LRP1: variants seen among roughly 807,000 people sequenced by gnomAD.
LRP1 encodes the protein LDL receptor related protein 1.
Under a neutral mutation model 541.5 loss-of-function variants are expected in LRP1, and 51 were observed. The observed-to-expected ratio is 0.09, with a 90% CI of 0.08 to 0.12. The LOEUF is 0.12. Among genes scored for constraint, LRP1 ranks in the 10% least tolerant of loss-of-function variants. The pLI is 1.00. For synonymous variants in LRP1, 2,219 were observed against 2,470.8 expected (o/e 0.90, Z 3.02); for missense variants, 3,878 against 6,376.2 (o/e 0.61, Z 13.34).
Position 57,204,477 on chromosome 12 carries a change from C to T in LRP1, c.11019C>T (p.Cys3673=), listed in dbSNP as rs762651475. 9 of 1,578,018 alleles carry T rather than the reference C, an allele frequency of 5.7e-6. No individual in the cohort carries two copies. Among genetic ancestry groups the T allele is most frequent in the East Asian group, 4.5e-5 (2 of 44,462 alleles). The change falls in exon 71 of 89, where the codon TGC becomes TGT. Residue 3673 remains cysteine (C), a synonymous_variant. Coordinates refer to ENST00000243077, the MANE Select transcript of LRP1 (RefSeq NM_002332.3). This position sits in a 1 kb window ranked among gnomAD's most constrained non-coding sequence, Gnocchi z 5.3. The part of the protein sequence containing the change: ...NTLCKPLAWK[C]DGEDDCGDNS... ...TGTGCAAGCCGCTGGCCTGGAAGTGCGATGGCGAGGATGACTGTGGGGACA... is the reference window on the plus strand; with the variant it reads ...TGTGCAAGCCGCTGGCCTGGAAGTGTGATGGCGAGGATGACTGTGGGGACA...
chr12:57,137,982 T>TG (rs982385541), intron 1 of LRP1, among the ~76,000 whole-genome samples: 2 of 152,056 alleles, frequency 1.3e-5, no homozygotes, highest in Admixed American at 1.3e-4. Context: ...GATGGGGTGA[T>TG]GGGTCAGGGG....
In LRP1 at chr12:57,145,064, C is replaced by A. The variant is rs911100326; in HGVS notation, c.541C>A (p.Leu181Met). 6.2e-7 allele frequency: 1 copy of A among 1,613,956 alleles called. No individual in the cohort carries two copies. Residue 181 changes from leucine to methionine, a missense_variant, in exon 5 of 89, where the codon CTG (leucine) becomes ATG (methionine). Leu to Met is a conservative substitution (Grantham distance 15). Transcript: ENST00000243077. The part of the protein sequence containing the change: ...FICGCVEGYL[L>M]QPDNRSCKAK... ...ATGTGGCTGTGTTGAAGGATACCTC[C>A]TGCAGCCGGATAACCGCTCCTGCAA... is the stretch of plus-strand genomic sequence containing the variant.
intron 15 of LRP1, among the ~76,000 whole-genome samples, chr12:57,163,968 C>G (rs912039502): frequency 1.3e-5 from 2 of 152,004 alleles, no homozygotes; most frequent in African/African-American, 2.4e-5. Context: ...GTCAGGAGTT[C>G]GAGACCAGCC....
rs149099223 is a variant in LRP1 at position 57,193,990 on chromosome 12, C to T, written c.7896C>T (p.Asp2632=). 53 of 1,614,066 alleles carry T rather than the reference C, an allele frequency of 3.3e-5. No individual in the cohort carries two copies. Among genetic ancestry groups the T allele is most frequent in the African/African-American group, 1.9e-4 (14 of 74,950 alleles). ...GCAACCAGTTTGTGGATTGTGAGGA[C>T]GCCTCAGATGAGATGAACTGCAGTG... The part of the protein sequence containing the change: ...SRCNQFVDCE[D]ASDEMNCSAT... The change falls in exon 48 of 89, where the codon GAC becomes GAT. Residue 2632 remains aspartate, a synonymous_variant. Transcript: ENST00000243077.
chr12:57,197,215 G>C lies in LRP1; in HGVS notation c.9076+50G>C. ...GAGGTGACCCAGGCTGTGTGGGACT[G>C]CCCGGGTGGCAGAGCTCCAGACAGG... On this transcript the variant is annotated intron_variant, in intron 56 of 88. Coordinates refer to ENST00000243077, the MANE Select transcript of LRP1 (RefSeq NM_002332.3). This position sits in a 1 kb window ranked among gnomAD's most constrained non-coding sequence, Gnocchi z 4.5. The C allele has an allele frequency of 6.2e-7, 1 of 1,613,360 alleles. No individual in the cohort carries two copies. The highest frequency in any genetic ancestry group is 8.5e-7 in the Non-Finnish European group (1 of 1,179,398).
At chr12:57,164,823 G>A (rs2035806810) in intron 15 of LRP1, 1 of 152,278 alleles carries the variant, frequency 6.6e-6, no homozygotes, top group Non-Finnish European at 1.5e-5. Context: ...CTAGGAGGGA[G>A]TGGCTGGGGT....
chr12:57,190,144 AG>A (rs1276757669), intron 42 of LRP1, among the ~76,000 whole-genome samples: 3 of 152,158 alleles, frequency 2.0e-5, no homozygotes, highest in Admixed American at 6.5e-5. Context: ...AAACATGCAA[AG>A]GCCTCAAAGT....
chr12:57,136,476 G>A (rs191096694), intron 1 of LRP1, among the ~76,000 whole-genome samples: 3 of 150,022 alleles, frequency 2.0e-5, no homozygotes, highest in East Asian at 3.9e-4. Flanking sequence ...CTTCTCAGGC[G>A]ACTCTGGCTC....
Position 57,177,736 on chromosome 12 carries a change from G to A in LRP1, c.4361+145G>A. 2 of 999,134 alleles carry A rather than the reference G, an allele frequency of 2.0e-6. No homozygotes were observed. The highest frequency in any genetic ancestry group is 2.6e-5 in the East Asian group (1 of 38,276). The allele number at this position is 999,134 out of a possible 1,614,324, so 61.9% of individuals were successfully genotyped here. On this transcript the variant is annotated intron_variant, in intron 26 of 88. Transcript: ENST00000243077. The surrounding 1 kb of genome is among the most constrained non-coding windows in gnomAD (Gnocchi z 6.8). ...CAAAGGACTGGGCACAGGAGGAGGAGGACGGAGGGGCGTGGGGAGGCCAGG... is the reference window on the plus strand; with the variant it reads ...CAAAGGACTGGGCACAGGAGGAGGAAGACGGAGGGGCGTGGGGAGGCCAGG...
chr12:57,153,246 A>G (rs576218547), intron 6 of LRP1, among the ~76,000 whole-genome samples: 3 of 151,858 alleles, frequency 2.0e-5, no homozygotes, highest in Non-Finnish European at 4.4e-5. Context: ...GTGGTCCTGG[A>G]GAGGAGGAGC....
At position 57,181,291 on chromosome 12, in the gene LRP1, G is replaced by T; in HGVS notation, c.5662G>T (p.Gly1888Cys). The change falls in exon 34 of 89, where the codon GGC (glycine) becomes TGC (cysteine). Residue 1888 changes from glycine (G) to cysteine (C), a missense_variant and splice_region_variant. Around this residue, in one of 13 missense-constraint regions of LRP1, gnomAD observed 394 missense variants for 635.9 expected, o/e 0.62. Coordinates refer to ENST00000243077, the MANE Select transcript of LRP1 (RefSeq NM_002332.3). ...CCGGAGTGGCCAGCAGGCCTGCGAGGGTCAGTGCCTGGCTTTCCTCCCAGC... is the reference window on the plus strand; with the variant it reads ...CCGGAGTGGCCAGCAGGCCTGCGAGTGTCAGTGCCTGGCTTTCCTCCCAGC... ...SLRSGQQACEGVGSFLLYSVH... is the reference protein window; with the variant it reads ...SLRSGQQACECVGSFLLYSVH... 1 of 1,610,544 alleles carries T rather than the reference G, an allele frequency of 6.2e-7. No homozygotes were observed.
intron 6 of LRP1, chr12:57,149,290 A>C (rs1208550211): frequency 3.4e-5 from 15 of 438,758 alleles, no homozygotes; most frequent in Non-Finnish European, 3.6e-5. Flanking sequence ...GGCCCCCTGC[A>C]TCCTGGCACT....
At position 57,183,774 on chromosome 12, in the gene LRP1, GA is replaced by G. The variant is rs1223169527; in HGVS notation, c.5798del (p.Asn1933MetfsTer11). ...SLAVGIDFHAENDTIYWVDMG... is the reference protein window; with the variant it reads ...SLAVGIDFHAXNDTIYWVDMG... The stretch of plus-strand genomic sequence containing the variant: ...CCCCATGTCACCTCCTCCACCTCCA[GA>G]AAATGACACCATCTACTGGGTGGAC... On this transcript the variant is annotated frameshift_variant and splice_region_variant, in exon 36 of 89. Transcript: ENST00000243077. LOFTEE classifies it high-confidence loss of function. The surrounding 1 kb of genome is among the most constrained non-coding windows in gnomAD (Gnocchi z 6.1). 6.2e-7 allele frequency: 1 copy of G among 1,613,892 alleles called. No individual in the cohort carries two copies. The highest frequency in any genetic ancestry group is 8.5e-7 in the Non-Finnish European group (1 of 1,180,032).
chr12:57,183,355 G>C lies in LRP1; in HGVS notation c.5663-24G>C. 1.3e-6 allele frequency: 2 copies of C among 1,591,094 alleles called. No homozygotes were observed. The highest frequency in any genetic ancestry group is 1.7e-6 in the Non-Finnish European group (2 of 1,161,764). ...TTAAGGGAGTGTTGGCGATACCCAT[G>C]CCTTAAGTTTCCTTGTCTTTCAGGC... is the stretch of plus-strand genomic sequence containing the variant. On this transcript the variant is annotated intron_variant, in intron 34 of 88. Coordinates refer to ENST00000243077, the MANE Select transcript of LRP1 (RefSeq NM_002332.3). The surrounding 1 kb of genome is among the most constrained non-coding windows in gnomAD (Gnocchi z 6.1).
chr12:57,203,951 G>A (rs1316654145), intron 70 of LRP1: 5 of 195,080 alleles, frequency 2.6e-5, no homozygotes, highest in African/African-American at 4.7e-5. Flanking sequence ...GAGGGGGCAG[G>A]TGAAGCCCGG....
Position 57,177,291 on chromosome 12 carries a change from A to C in LRP1, c.4196+46A>C, listed in dbSNP as rs754575557. The C allele has an allele frequency of 1.2e-6, 2 of 1,602,274 alleles. No individual in the cohort carries two copies. Among genetic ancestry groups the C allele is most frequent in the Non-Finnish European group, 1.7e-6 (2 of 1,171,242 alleles). On this transcript the variant is annotated intron_variant, in intron 25 of 88. Transcript: ENST00000243077. This position sits in a 1 kb window ranked among gnomAD's most constrained non-coding sequence, Gnocchi z 6.8. The stretch of plus-strand genomic sequence containing the variant: ...TCTCCTGGCCCCATGGCCCCCCTGA[A>C]GTCCCATTCAGCCTGGCCAGGGACA...
chr12:57,189,905 A>G lies in LRP1; in HGVS notation c.7032-900A>G, dbSNP rs891299471. 6.6e-6 allele frequency among the ~76,000 whole-genome samples: 1 copy of G among 152,038 alleles called. No homozygotes were observed. Among genetic ancestry groups the G allele is most frequent in the Non-Finnish European group, 1.5e-5 (1 of 67,990 alleles). ...CCGAGGACCCAGGGCTCACCATCCA[A>G]TGCCGGTGGTCCAAGGACCACTCTG... On this transcript the variant is annotated intron_variant, in intron 42 of 88. Coordinates refer to ENST00000243077, the MANE Select transcript of LRP1 (RefSeq NM_002332.3). The surrounding 1 kb of genome is among the most constrained non-coding windows in gnomAD (Gnocchi z 4.4).
In LRP1 at chr12:57,165,914, G is replaced by A. The variant is rs752773323; in HGVS notation, c.2640G>A (p.Leu880=). The A allele has an allele frequency of 3.1e-6, 5 of 1,614,176 alleles. No homozygotes were observed. Among genetic ancestry groups the A allele is most frequent in the African/African-American group, 2.7e-5 (2 of 75,042 alleles). ...RWKCDGDNDC[L]DNSDEAPALC... ...AGTGTGACGGAGACAACGATTGCCT[G>A]GACAACAGTGATGAGGCCCCAGCCC... Residue 880 remains leucine, a synonymous_variant, in exon 16 of 89, where the codon CTG becomes CTA. Transcript: ENST00000243077. This position sits in a 1 kb window ranked among gnomAD's most constrained non-coding sequence, Gnocchi z 4.5.
rs1236781801 is a variant in LRP1, at chr12:57,194,640, T to C, written c.8132T>C (p.Met2711Thr). The C allele has an allele frequency of 1.9e-6, 3 of 1,605,978 alleles. No individual in the cohort carries two copies. The highest frequency in any genetic ancestry group is 1.1e-5 in the South Asian group (1 of 90,194). ...TGCCCTAGTGGGCGCTGCATCCCCA[T>C]GAGCTGGACGTGTGACAAAGAGGAT... ...FACPSGRCIP[M>T]SWTCDKEDDC... The change falls in exon 50 of 89, where the codon ATG (methionine) becomes ACG (threonine). Residue 2711 changes from methionine (M) to threonine (T), a missense_variant. Met to Thr is a moderately conservative substitution (Grantham distance 81, BLOSUM62 -1). Around this residue, in one of 13 missense-constraint regions of LRP1, gnomAD observed 1,100 missense variants for 1,827.4 expected, o/e 0.60. Coordinates refer to ENST00000243077, the MANE Select transcript of LRP1 (RefSeq NM_002332.3).
Sources: gnomAD v4.1 joint callset for allele counts (sites outside exome capture counted in the v4.1 genomes callset) on GRCh38, gnomAD v4.1.1 for gene constraint, gnomAD v4.1.1 regional missense constraint, Gnocchi (gnomAD v3.1) non-coding constraint, MANE v1.5 for transcripts, NCBI Gene and HGNC (gene_info 2026-07-23, HGNC 2026-07-21) for gene names.